The following PACS2 variants were observed in gnomAD, a reference collection of about 807,000 sequenced individuals.
PACS2 encodes the protein phosphofurin acidic cluster sorting protein 2, also known as PACS1-like protein.
In PACS2, 36 loss-of-function variants were observed where a neutral mutation model predicts 113.0. The observed-to-expected ratio is 0.32, with a 90% CI of 0.24 to 0.42. The LOEUF (loss-of-function observed/expected upper bound fraction) is 0.42, where lower values mean the gene tolerates loss of function less well. Ranked by LOEUF, PACS2 falls within the 10% of genes least tolerant of loss-of-function variation. The pLI, the probability that PACS2 is intolerant of heterozygous loss-of-function variation, is 1.00. For synonymous variants in PACS2, 589 were observed against 536.1 expected (o/e 1.10, Z -1.36); for missense variants, 1,015 against 1,239.5 (o/e 0.82, Z 2.72).
chr14:105,328,871 C>T (rs2059209296), intron 1 of PACS2, among the ~76,000 whole-genome samples: 1 of 152,248 alleles, frequency 6.6e-6, no homozygotes, highest in African/African-American at 2.4e-5. Context: ...GCGGCGTCCT[C>T]TCTCAGTGCC....
intron 1 of PACS2, among the ~76,000 whole-genome samples, chr14:105,326,568 T>C (rs1398724745): frequency 1.3e-5 from 2 of 152,194 alleles, no homozygotes; most frequent in African/African-American, 4.8e-5. Flanking sequence ...TGCTCCGTGG[T>C]GGGGCCCGGG....
intron 3 of PACS2, among the ~76,000 whole-genome samples, chr14:105,353,765 C>T (rs1356902492): frequency 6.6e-6 from 1 of 151,548 alleles, no homozygotes; most frequent in African/African-American, 2.4e-5. Flanking sequence ...GGCTATTTTT[C>T]GTATCTTTAG....
rs1460407982 is a variant in PACS2 at position 105,396,108 on chromosome 14, A to C, written c.*1436A>C. ...CCTGCTCTTCCTGGCCGCCCCCCCCAGGTGGCTGAACAGGGTGATTTTGTT... is the reference window on the plus strand; with the variant it reads ...CCTGCTCTTCCTGGCCGCCCCCCCCCGGTGGCTGAACAGGGTGATTTTGTT... On this transcript the variant is annotated 3_prime_UTR_variant, in exon 25 of 25. Transcript: ENST00000447393. 1.3e-5 allele frequency: 2 copies of C among 152,354 alleles called. No homozygotes were observed. Among genetic ancestry groups the C allele is most frequent in the African/African-American group, 4.8e-5 (2 of 41,434 alleles). The allele number at this position is 152,354 out of a possible 1,614,324, so 9.4% of individuals were successfully genotyped here. A position where few individuals can be genotyped will look rare whatever the true frequency, so the allele number is the denominator to read the frequency against.
chr14:105,338,960 C>T (rs2059624966), intron 1 of PACS2, among the ~76,000 whole-genome samples: 1 of 152,220 alleles, frequency 6.6e-6, no homozygotes, highest in African/African-American at 2.4e-5. Flanking sequence ...ACCAGAGGTG[C>T]TCACTCCTGC....
At chr14:105,343,214 A>G (rs1356879408) in intron 1 of PACS2, among the ~76,000 whole-genome samples, 1 of 152,154 alleles carries the variant, frequency 6.6e-6, no homozygotes, top group Non-Finnish European at 1.5e-5. Flanking sequence ...CCATCCTATC[A>G]CGTATCGATC....
chr14:105,387,174 A>C (rs946610511), intron 19 of PACS2, among the ~76,000 whole-genome samples: 2 of 152,210 alleles, frequency 1.3e-5, no homozygotes, highest in Admixed American at 6.5e-5. Flanking sequence ...CTGTACCCAG[A>C]GGAGGGTCAG....
intron 1 of PACS2, among the ~76,000 whole-genome samples, chr14:105,326,732 G>T (rs997989271): frequency 2.0e-5 from 3 of 152,204 alleles, no homozygotes; most frequent in African/African-American, 4.8e-5. Context: ...TGGCCGTGAA[G>T]ACCCACCCTG....
At chr14:105,333,571 C>G (rs1005372173) in intron 1 of PACS2, among the ~76,000 whole-genome samples, 1 of 152,248 alleles carries the variant, frequency 6.6e-6, no homozygotes, top group Non-Finnish European at 1.5e-5. Context: ...GGGGATGTTC[C>G]TGGGACCCGT....
At chr14:105,384,296 G>A in intron 16 of PACS2, 57 bp from the exon 17 acceptor site, 1 of 1,050,202 alleles carries the variant, frequency 9.5e-7, no homozygotes, top group Non-Finnish European at 1.5e-6. Flanking sequence ...TGCCGCGGTG[G>A]GAGCCTTGCA....
intron 7 of PACS2, among the ~76,000 whole-genome samples, chr14:105,369,349 G>A (rs887058604): frequency 1.3e-5 from 2 of 152,186 alleles, no homozygotes; most frequent in African/African-American, 2.4e-5. Context: ...GCCTTTGTAG[G>A]GTTGGTCCCC....
rs587682245 is a variant in PACS2 at position 105,330,694 on chromosome 14, C to A, written c.119+15657C>A. The stretch of plus-strand genomic sequence containing the variant: ...ATCCTGGGGCCCCACCCAACACCCA[C>A]GCATTTCCTGTCTTTTCTCAGGCAA... On this transcript the variant is annotated intron_variant, in intron 1 of 24. Coordinates refer to ENST00000447393, the MANE Select transcript of PACS2 (RefSeq NM_001100913.3). The surrounding 1 kb of genome is among the most constrained non-coding windows in gnomAD (Gnocchi z 6.9). Among the ~76,000 whole-genome samples the A allele has an allele frequency of 6.6e-6, 1 of 152,262 alleles. No individual in the cohort carries two copies. Among genetic ancestry groups the A allele is most frequent in the African/African-American group, 2.4e-5 (1 of 41,470 alleles).
rs113727688 is a variant in PACS2 at position 105,391,805 on chromosome 14, G to A, written c.2255+39G>A. ...ACGGCTCAGCACGTTTCACTTACCC[G>A]CCCCACCACATGCTGCCTGATTCAG... On this transcript the variant is annotated intron_variant, in intron 22 of 24. Transcript: ENST00000447393. 63 of 1,549,486 alleles carry A rather than the reference G, an allele frequency of 4.1e-5. No homozygotes were observed. In the African/African-American group the frequency reaches 4.5e-4, roughly 11 times the overall value.
At chr14:105,364,692 TTTC>T (rs1380412538) in intron 4 of PACS2, among the ~76,000 whole-genome samples, 7 of 149,430 alleles carry the variant, frequency 4.7e-5, no homozygotes, top group African/African-American at 1.3e-4. Context: ...GCAATTTTCT[TTTC>T]TTTTTTTTTT....
rs1205189590 is a variant in PACS2, at chr14:105,376,710, C to T, written c.802-58C>T. 1 of 1,574,224 alleles carries T rather than the reference C, an allele frequency of 6.4e-7. No homozygotes were observed. Among genetic ancestry groups the T allele is most frequent in the Non-Finnish European group, 8.7e-7 (1 of 1,154,032 alleles). On this transcript the variant is annotated intron_variant, in intron 8 of 24. Transcript: ENST00000447393. This position sits in a 1 kb window ranked among gnomAD's most constrained non-coding sequence, Gnocchi z 4.7. ...TGCAGACTCTGGGGTCTCGGGCGCC[C>T]CCAGTGGGGCAATGTGGGCTGCTGC...
intron 4 of PACS2, among the ~76,000 whole-genome samples, chr14:105,364,655 T>G (rs2060881368): frequency 6.6e-6 from 1 of 151,376 alleles, no homozygotes; most frequent in Non-Finnish European, 1.5e-5. Context: ...TATTGTAGTA[T>G]TTGTACAATT....
Position 105,384,942 on chromosome 14 carries a change from A to T in PACS2, c.1955A>T (p.His652Leu). 1 of 1,600,342 alleles carries T rather than the reference A, an allele frequency of 6.2e-7. No homozygotes were observed. Among genetic ancestry groups the T allele is most frequent in the Non-Finnish European group, 8.5e-7 (1 of 1,173,810 alleles). Residue 652 changes from histidine to leucine, a missense_variant, in exon 18 of 25, where the codon CAC (histidine) becomes CTC (leucine). Transcript: ENST00000447393. Reference protein sequence around the residue: ...TQYIAGANCAHQLPIAEAMLT... With the variant: ...TQYIAGANCALQLPIAEAMLT... Reference sequence around the variant, plus strand: ...TACATCGCAGGGGCCAACTGTGCCCACCAGCTCCCCATCGCAGAGGCCATG... The same window carrying T: ...TACATCGCAGGGGCCAACTGTGCCCTCCAGCTCCCCATCGCAGAGGCCATG...
In PACS2 at chr14:105,309,372, G is replaced by GCTA. The variant is rs1006036688; in HGVS notation, c.-83+8394_-83+8396dup. Among the ~76,000 whole-genome samples, 72 of 152,282 alleles carry GCTA rather than the reference G, an allele frequency of 4.7e-4. 1 individual carries two copies. Among genetic ancestry groups the GCTA allele is most frequent in the African/African-American group, 1.6e-3 (66 of 41,540 alleles). On this transcript the variant is annotated intron_variant, in intron 1 of 23. Coordinates refer to the PACS2 transcript ENST00000430725. This position sits in a 1 kb window ranked among gnomAD's most constrained non-coding sequence, Gnocchi z 4.0. ...ACATATCTGAGAATTTCCCCATGTT[G>GCTA]CTAAAACTGAGGCAGCGTTCCGTTT...
chr14:105,377,825 C>T (rs781787150), intron 9 of PACS2, among the ~76,000 whole-genome samples: 5 of 152,214 alleles, frequency 3.3e-5, no homozygotes, highest in African/African-American at 7.2e-5. Flanking sequence ...ATTGCCATCC[C>T]GAGGCTGTGG....
At chr14:105,380,893 C>T in intron 11 of PACS2, 64 bp from the exon 12 acceptor site, 4 of 1,519,104 alleles carry the variant, frequency 2.6e-6, no homozygotes, top group Admixed American at 3.7e-5. Context: ...GGCCACAGGG[C>T]TGGAGAGGCC....
Sources: gnomAD v4.1 joint callset for allele counts (sites outside exome capture counted in the v4.1 genomes callset) on GRCh38, gnomAD v4.1.1 for gene constraint, Gnocchi (gnomAD v3.1) non-coding constraint, MANE v1.5 for transcripts, NCBI Gene and HGNC (gene_info 2026-07-23, HGNC 2026-07-21) for gene names.